The following NLK variants were observed in gnomAD, a reference collection of about 807,000 sequenced individuals.
NLK encodes the protein serine/threonine-protein kinase NLK.
NLK carries 11 observed loss-of-function variants against 59.0 expected under a neutral mutation model. That is an observed-to-expected ratio of 0.19 (90% confidence interval 0.12 to 0.31). NLK has a LOEUF of 0.31. NLK is among the 10% of genes least tolerant of loss of function. The probability of loss-of-function intolerance (pLI) is 1.00; values close to 1 mark genes in which losing one functional copy is unlikely to be tolerated. For synonymous variants in NLK, 235 were observed against 235.9 expected, an observed-to-expected ratio of 1.00 and a Z score of 0.03; for missense variants, 410 against 661.1, an observed-to-expected ratio of 0.62 and a Z score of 4.16.
At chr17:28,143,043 C>CT (rs527832848) in intron 3 of NLK, among the ~76,000 whole-genome samples, 1,370 of 135,964 alleles carry the variant, frequency 0.01, 17 homozygotes, top group African/African-American at 0.027. Context: ...AAGATGAAAA[C>CT]TTTTTTTTTT....
At position 28,043,173 on chromosome 17, in the gene NLK, G is replaced by A. The variant is rs1456751545; in HGVS notation, c.300G>A (p.Gly100=). 2 of 1,613,754 alleles carry A rather than the reference G, an allele frequency of 1.2e-6. No homozygotes were observed. The highest frequency in any genetic ancestry group is 1.3e-5 in the African/African-American group (1 of 74,908). The change falls in exon 1 of 11, where the codon GGG becomes GGA. Residue 100 remains glycine (G), a synonymous_variant. Coordinates refer to ENST00000407008, the MANE Select transcript of NLK (RefSeq NM_016231.5). ...QQPYFPSPAP[G]QAPGPAAAAP... ...CATATTTCCCATCACCGGCACCGGG[G>A]CAGGCTCCTGGACCAGCTGCAGCAG...
At chr17:28,049,528 A>C (rs893176249) in intron 1 of NLK, among the ~76,000 whole-genome samples, 5 of 152,216 alleles carry the variant, frequency 3.3e-5, no homozygotes, top group African/African-American at 1.2e-4. Flanking sequence ...TATTGTGCTT[A>C]GTACTGAGGT....
chr17:28,133,568 T>G (rs1906610100), intron 3 of NLK, among the ~76,000 whole-genome samples: 1 of 152,200 alleles, frequency 6.6e-6, no homozygotes, highest in African/African-American at 2.4e-5. Context: ...CTCCTGGGAC[T>G]GTGCATGAAA....
chr17:28,052,896 T>G (rs1445893459), intron 1 of NLK, among the ~76,000 whole-genome samples: 2 of 151,486 alleles, frequency 1.3e-5, no homozygotes, highest in East Asian at 1.9e-4. Context: ...GTGTTTTTTT[T>G]TTTTTTTTTT....
chr17:28,163,414 A>G, intron 4 of NLK, 129 bp from the exon 5 acceptor site: 1 of 587,868 alleles, frequency 1.7e-6, no homozygotes, highest in Non-Finnish European at 3.0e-6. Flanking sequence ...AGCTTTTAAT[A>G]ATGTTCATTA....
chr17:28,112,021 A>G (rs1449133144), intron 1 of NLK, among the ~76,000 whole-genome samples: 1 of 151,594 alleles, frequency 6.6e-6, no homozygotes, highest in Non-Finnish European at 1.5e-5. Flanking sequence ...TTTTCCTCAC[A>G]TGCAGGAAGC....
rs527686804 is a variant in NLK, at chr17:28,092,747, T to TTTTTATTTTATTTTA, written c.459-29807_459-29793dup. On this transcript the variant is annotated intron_variant, in intron 1 of 10. Transcript: ENST00000407008. ...AAGAGCTAAGCAACTAAGTGGCTTG[T>TTTTTATTTTATTTTA]TTTTATTTTATTTTATTTTATTTTA... Among the ~76,000 whole-genome samples the TTTTTATTTTATTTTA allele has an allele frequency of 1.7e-3, 237 of 139,388 alleles. 1 individual carries two copies. The highest frequency in any genetic ancestry group is 5.1e-3 in the African/African-American group (184 of 36,154). 91.4% of individuals were successfully genotyped at this position (139,388 alleles called of 152,430 possible).
In NLK at chr17:28,122,711, G is replaced by A; in HGVS notation, c.567G>A (p.Leu189=). 1 of 1,613,808 alleles carries A rather than the reference G, an allele frequency of 6.2e-7. No homozygotes were observed. Among genetic ancestry groups the A allele is most frequent in the African/African-American group, 1.3e-5 (1 of 75,024 alleles). The change falls in exon 2 of 11, where the codon TTG becomes TTA. Residue 189 remains leucine (L), a synonymous_variant. Transcript: ENST00000407008. ...GGGTCTTCCGGGAATTGAAGATGTT[G>A]TGTTTTTTTAAGCATGATAATGTAA... is the stretch of plus-strand genomic sequence containing the variant. ...CKRVFRELKM[L]CFFKHDNVLS...
At chr17:28,065,368 A>G (rs1052227194) in intron 1 of NLK, among the ~76,000 whole-genome samples, 1 of 152,044 alleles carries the variant, frequency 6.6e-6, no homozygotes, top group Non-Finnish European at 1.5e-5. Context: ...TTCATGTACA[A>G]AGTCAGTGAA....
chr17:28,081,160 G>C (rs1910331897), intron 1 of NLK, among the ~76,000 whole-genome samples: 2 of 151,876 alleles, frequency 1.3e-5, no homozygotes, highest in African/African-American at 4.8e-5. Context: ...AAAGTGCTCA[G>C]ATTAGAGGCA....
rs1476402238 is a variant in NLK, at chr17:28,087,045, C to T, written c.459-35558C>T. ...CCTGGGTGACACCCCATGACCTTGTCGCTCTCAAAAAAAAAAAAAAGTTGA... is the reference window on the plus strand; with the variant it reads ...CCTGGGTGACACCCCATGACCTTGTTGCTCTCAAAAAAAAAAAAAAGTTGA... On this transcript the variant is annotated intron_variant, in intron 1 of 10. Transcript: ENST00000407008. 4.0e-5 allele frequency among the ~76,000 whole-genome samples: 6 copies of T among 148,508 alleles called. No individual in the cohort carries two copies. The East Asian group carries it at 5.9e-4, about 15-fold the overall frequency.
In NLK at chr17:28,194,663, A is replaced by G; in HGVS notation, c.*27A>G. 1.3e-6 allele frequency: 2 copies of G among 1,535,536 alleles called. No individual in the cohort carries two copies. The highest frequency in any genetic ancestry group is 1.8e-6 in the Non-Finnish European group (2 of 1,117,948). On this transcript the variant is annotated 3_prime_UTR_variant, in exon 11 of 11. Transcript: ENST00000407008. ...GGTGGAAGATAATGTACTACTGAAG[A>G]TGTAATGTAGCTTTCCACTGGAGTC...
intron 1 of NLK, among the ~76,000 whole-genome samples, chr17:28,050,640 T>G (rs1909220944): frequency 6.7e-6 from 1 of 149,930 alleles, no homozygotes. Flanking sequence ...AATAGAAGAG[T>G]AGAGAGAACT....
intron 7 of NLK, among the ~76,000 whole-genome samples, chr17:28,177,487 T>C (rs1281176796): frequency 6.6e-6 from 1 of 152,208 alleles, no homozygotes; most frequent in African/African-American, 2.4e-5. Flanking sequence ...GAGCTACAGC[T>C]GACTTCAGGC....
chr17:28,162,890 G>A (rs1243826289), intron 4 of NLK, among the ~76,000 whole-genome samples: 3 of 151,134 alleles, frequency 2.0e-5, no homozygotes, highest in Non-Finnish European at 4.4e-5. Flanking sequence ...CCACACTCCT[G>A]CCTAGGTTAC....
chr17:28,165,735 C>A (rs533526504), intron 5 of NLK, among the ~76,000 whole-genome samples: 1 of 152,044 alleles, frequency 6.6e-6, no homozygotes, highest in Non-Finnish European at 1.5e-5. Flanking sequence ...CTAAAAATGA[C>A]GAAATCATAC....
At chr17:28,169,815 C>A (rs1389317665) in intron 6 of NLK, among the ~76,000 whole-genome samples, 1 of 149,820 alleles carries the variant, frequency 6.7e-6, no homozygotes, top group African/African-American at 2.5e-5. Context: ...ACATAGTAAG[C>A]ACTCTGTAAA....
chr17:28,111,896 G>GTGTGTGTGGT (rs1394476582), intron 1 of NLK, among the ~76,000 whole-genome samples: 26 of 67,540 alleles, frequency 3.8e-4, no homozygotes, highest in East Asian at 1.0e-3. Context: ...GTGTGTGTGT[G>GTGTGTGTGGT]GTGTGTGTGT....
intron 3 of NLK, among the ~76,000 whole-genome samples, chr17:28,150,646 TC>T (rs1907441096): frequency 6.6e-6 from 1 of 152,148 alleles, no homozygotes; most frequent in African/African-American, 2.4e-5. Context: ...GCTACCTCCT[TC>T]CCCCGCCCCC....
Sources: allele counts gnomAD v4.1 joint callset (sites outside exome capture counted in the v4.1 genomes callset), GRCh38; gene constraint gnomAD v4.1.1; transcripts MANE v1.5; gene names NCBI Gene and HGNC (gene_info 2026-07-23, HGNC 2026-07-21).